HS3ST3A1: variants seen among roughly 807,000 people sequenced by gnomAD.
HS3ST3A1 encodes heparan sulfate-glucosamine 3-sulfotransferase 3A1.
HS3ST3A1 carries 19 observed loss-of-function variants against 25.7 expected under a neutral mutation model. The observed-to-expected ratio is 0.74, with a 90% CI of 0.52 to 1.08. The LOEUF (loss-of-function observed/expected upper bound fraction) is 1.08. HS3ST3A1 is among the 50% of genes least tolerant of loss of function. The pLI, the probability that HS3ST3A1 is intolerant of heterozygous loss-of-function variation, is 0.00. For missense variants in HS3ST3A1, 459 were observed against 594.3 expected (o/e 0.77, Z 2.37); for synonymous variants, 226 against 278.6 (o/e 0.81, Z 1.88).
intron 1 of HS3ST3A1, among the ~76,000 whole-genome samples, chr17:13,560,296 A>G (rs1467144846): frequency 3.1e-5 from 4 of 127,984 alleles, no homozygotes; most frequent in Non-Finnish European, 6.5e-5. Context: ...CTCCAAAAAA[A>G]AAAAAAAAAA....
chr17:13,570,047 A>T (rs1349158076), intron 1 of HS3ST3A1, among the ~76,000 whole-genome samples: 1 of 152,260 alleles, frequency 6.6e-6, no homozygotes, highest in Non-Finnish European at 1.5e-5. Context: ...GTTAACAAAC[A>T]GTTATTCTAA....
intron 1 of HS3ST3A1, among the ~76,000 whole-genome samples, chr17:13,580,551 G>C (rs968603828): frequency 6.6e-6 from 1 of 152,112 alleles, no homozygotes; most frequent in African/African-American, 2.4e-5. Context: ...GAAAAACATA[G>C]TAAAGTAAAA....
At chr17:13,506,398 T>C (rs1033015911) in intron 1 of HS3ST3A1, among the ~76,000 whole-genome samples, 2 of 152,208 alleles carry the variant, frequency 1.3e-5, no homozygotes, top group Admixed American at 6.5e-5. Context: ...GGGACTTTAA[T>C]TCATTTTTAA....
At chr17:13,517,887 A>G (rs1906105529) in intron 1 of HS3ST3A1, among the ~76,000 whole-genome samples, 1 of 152,152 alleles carries the variant, frequency 6.6e-6, no homozygotes, top group African/African-American at 2.4e-5. Context: ...CAGGTGATCC[A>G]TTGGCCTCGG....
chr17:13,500,789 A>G (rs553623511), intron 1 of HS3ST3A1, among the ~76,000 whole-genome samples: 2 of 152,352 alleles, frequency 1.3e-5, no homozygotes, highest in African/African-American at 4.8e-5. Flanking sequence ...ATTAAGAATT[A>G]TTACAAGGTA....
intron 1 of HS3ST3A1, among the ~76,000 whole-genome samples, chr17:13,582,460 G>T (rs1214354742): frequency 6.6e-6 from 1 of 152,132 alleles, no homozygotes; most frequent in African/African-American, 2.4e-5. Flanking sequence ...ATGATAATAG[G>T]AATACATAAG....
At chr17:13,574,134 C>CTTTTTTT (rs557193269) in intron 1 of HS3ST3A1, among the ~76,000 whole-genome samples, 1 of 126,044 alleles carries the variant, frequency 7.9e-6, no homozygotes. Flanking sequence ...CCATATCACT[C>CTTTTTTT]TTTTTTTTTT....
intron 1 of HS3ST3A1, among the ~76,000 whole-genome samples, chr17:13,524,755 G>T (rs1906357490): frequency 6.6e-6 from 1 of 152,086 alleles, no homozygotes; most frequent in African/African-American, 2.4e-5. Context: ...GCTGGGTGAA[G>T]GGTACATAGG....
chr17:13,511,134 A>C (rs1338941508), intron 1 of HS3ST3A1, among the ~76,000 whole-genome samples: 1 of 152,202 alleles, frequency 6.6e-6, no homozygotes, highest in Non-Finnish European at 1.5e-5. Context: ...AAGGGCTCTG[A>C]CTTTAAGTCC....
chr17:13,597,184 T>G (rs1908599267), intron 1 of HS3ST3A1, among the ~76,000 whole-genome samples: 1 of 152,124 alleles, frequency 6.6e-6, no homozygotes, highest in African/African-American at 2.4e-5. Flanking sequence ...ACTGAAATAT[T>G]ATTGAATCTA....
chr17:13,530,027 C>CACACAT (rs1480894102), intron 1 of HS3ST3A1, among the ~76,000 whole-genome samples: 2 of 151,734 alleles, frequency 1.3e-5, no homozygotes, highest in African/African-American at 4.8e-5. Context: ...CACACACACA[C>CACACAT]ACACATACAC....
chr17:13,567,923 C>G (rs1320498358), intron 1 of HS3ST3A1, among the ~76,000 whole-genome samples: 2 of 152,188 alleles, frequency 1.3e-5, no homozygotes, highest in Non-Finnish European at 2.9e-5. Flanking sequence ...AAAACAGCAG[C>G]AGGATTTGAG....
chr17:13,524,669 C>G (rs948467511), intron 1 of HS3ST3A1, among the ~76,000 whole-genome samples: 2 of 152,090 alleles, frequency 1.3e-5, no homozygotes, highest in Non-Finnish European at 2.9e-5. Context: ...TCTACGTGTT[C>G]TATGGATTGT....
intron 1 of HS3ST3A1, among the ~76,000 whole-genome samples, chr17:13,534,273 G>A (rs930937969): frequency 2.0e-5 from 3 of 152,022 alleles, no homozygotes; most frequent in African/African-American, 4.8e-5. Context: ...ACTCAAAAAC[G>A]GAAAAGATTG....
chr17:13,547,721 A>T (rs58411913), intron 1 of HS3ST3A1, among the ~76,000 whole-genome samples: 7,616 of 152,190 alleles, frequency 0.05, 255 homozygotes, highest in African/African-American at 0.097. Context: ...TATTGAACCT[A>T]AGAAAGGGGT....
intron 1 of HS3ST3A1, among the ~76,000 whole-genome samples, chr17:13,528,476 C>G (rs1303642179): frequency 6.6e-6 from 1 of 152,188 alleles, no homozygotes; most frequent in Non-Finnish European, 1.5e-5. Context: ...CAAGGCTTAG[C>G]CCAGTGACTC....
chr17:13,536,132 A>G (rs1477950916), intron 1 of HS3ST3A1, among the ~76,000 whole-genome samples: 2 of 152,172 alleles, frequency 1.3e-5, no homozygotes, highest in African/African-American at 2.4e-5. Context: ...ACTTCATCCC[A>G]TTCTCATTTG....
intron 1 of HS3ST3A1, among the ~76,000 whole-genome samples, chr17:13,554,575 G>A (rs1907323278): frequency 6.6e-6 from 1 of 152,178 alleles, no homozygotes; most frequent in Admixed American, 6.5e-5. Flanking sequence ...AACCCCTGAG[G>A]GGTGCGCAGC....
chr17:13,524,484 G>A (rs1300515056), intron 1 of HS3ST3A1, among the ~76,000 whole-genome samples: 1 of 152,140 alleles, frequency 6.6e-6, no homozygotes, highest in Non-Finnish European at 1.5e-5. Flanking sequence ...GGACTCTGGT[G>A]AGCTGCCTGC....
Sources: gnomAD v4.1 joint callset for allele counts (sites outside exome capture counted in the v4.1 genomes callset) on GRCh38, gnomAD v4.1.1 for gene constraint, MANE v1.5 for transcripts, NCBI Gene and HGNC (gene_info 2026-07-23, HGNC 2026-07-21) for gene names.